The following RUNX1 variants were observed in gnomAD, a reference collection of about 807,000 sequenced individuals.
RUNX1 encodes runt-related transcription factor 1.
RUNX1 carries 19 observed loss-of-function variants against 42.8 expected under a neutral mutation model. The observed-to-expected ratio is 0.44, with a 90% CI of 0.31 to 0.65. The LOEUF is 0.65. Among genes scored for constraint, RUNX1 ranks in the 30% least tolerant of loss-of-function variants. RUNX1 has a pLI of 0.07. For missense variants in RUNX1, 528 were observed against 672.0 expected (o/e 0.79, Z 2.37); for synonymous variants, 271 against 289.4 (o/e 0.94, Z 0.64).
At chr21:34,873,914 G>A (rs749855617) in intron 5 of RUNX1, among the ~76,000 whole-genome samples, 47 of 152,310 alleles carry the variant, frequency 3.1e-4, no homozygotes, top group African/African-American at 8.9e-4. Flanking sequence ...GAAGTGCTGC[G>A]ATCTGTCCCC....
At chr21:34,908,771 C>T (rs1390075885) in intron 2 of RUNX1, among the ~76,000 whole-genome samples, 1 of 152,200 alleles carries the variant, frequency 6.6e-6, no homozygotes, top group Admixed American at 6.5e-5. Flanking sequence ...ATTTTATCAT[C>T]CTTCTCCAAA....
At chr21:34,940,234 T>C (rs1488270467) in intron 2 of RUNX1, among the ~76,000 whole-genome samples, 1 of 152,154 alleles carries the variant, frequency 6.6e-6, no homozygotes, top group African/African-American at 2.4e-5. Context: ...ATTAATGCTT[T>C]ATGAGGAAAA....
chr21:34,978,937 T>TACACACACACAGATAC (rs1555911647), intron 2 of RUNX1, among the ~76,000 whole-genome samples: 3 of 134,054 alleles, frequency 2.2e-5, no homozygotes, highest in Non-Finnish European at 4.7e-5. Context: ...CACACACAGA[T>TACACACACACAGATAC]ACACACACAC....
At chr21:34,979,871 A>G (rs1455855346) in intron 2 of RUNX1, among the ~76,000 whole-genome samples, 3 of 152,170 alleles carry the variant, frequency 2.0e-5, no homozygotes, top group South Asian at 2.1e-4. Flanking sequence ...GGGTAGGACC[A>G]AGAGTGAGGA....
At chr21:34,928,490 T>C (rs1175120135) in intron 2 of RUNX1, among the ~76,000 whole-genome samples, 2 of 151,912 alleles carry the variant, frequency 1.3e-5, no homozygotes, top group African/African-American at 4.8e-5. Context: ...AGTCAGGAGA[T>C]CGAGACCAGC....
intron 2 of RUNX1, among the ~76,000 whole-genome samples, chr21:34,933,910 A>G (rs1232819388): frequency 1.3e-5 from 2 of 152,206 alleles, no homozygotes; most frequent in African/African-American, 4.8e-5. Flanking sequence ...AGCTGTACCT[A>G]TGTGCTACTT....
At chr21:34,877,430 G>T (rs1337704046) in intron 5 of RUNX1, among the ~76,000 whole-genome samples, 1 of 152,038 alleles carries the variant, frequency 6.6e-6, no homozygotes, top group Non-Finnish European at 1.5e-5. Flanking sequence ...AGTTCAGCCC[G>T]GTCCCCAGAG....
intron 6 of RUNX1, among the ~76,000 whole-genome samples, chr21:34,854,127 C>T (rs2057464121): frequency 6.6e-6 from 1 of 152,140 alleles, no homozygotes; most frequent in African/African-American, 2.4e-5. Context: ...AGGTACTTTT[C>T]ATGCATTTCT....
intron 4 of RUNX1, among the ~76,000 whole-genome samples, chr21:34,886,112 G>A (rs1207065290): frequency 6.6e-6 from 1 of 152,198 alleles, no homozygotes; most frequent in African/African-American, 2.4e-5. Context: ...GGGCCGCTGG[G>A]ACCCCTGGCT....
intron 2 of RUNX1, among the ~76,000 whole-genome samples, chr21:34,966,834 A>G (rs929582179): frequency 5.3e-5 from 8 of 152,080 alleles, no homozygotes; most frequent in African/African-American, 1.9e-4. Flanking sequence ...TTCACTTTTT[A>G]TGGTGATGGA....
intron 6 of RUNX1, among the ~76,000 whole-genome samples, chr21:34,835,170 A>G (rs899586775): frequency 6.6e-5 from 10 of 152,108 alleles, no homozygotes; most frequent in Non-Finnish European, 1.2e-4. Flanking sequence ...AGGTACACGC[A>G]GGGCATCCTC....
At chr21:34,987,673 A>AG (rs965917318) in intron 2 of RUNX1, among the ~76,000 whole-genome samples, 3 of 152,128 alleles carry the variant, frequency 2.0e-5, no homozygotes, top group African/African-American at 7.2e-5. Context: ...AAAACCAAAG[A>AG]GGGGGAAAAA....
rs553754118 is a variant in RUNX1, at chr21:35,040,784, A to C, written c.58+8058T>G. 8.0e-3 allele frequency among the ~76,000 whole-genome samples: 1,201 copies of C among 150,874 alleles called. 18 individuals are homozygous for C. The highest frequency in any genetic ancestry group is 0.032 in the South Asian group (151 of 4,770). ...GTAGACTCCATCCAAAAAAAAAAAA[A>C]AAAAAAAAAACCAACAACAAAAACT... On this transcript the variant is annotated intron_variant, in intron 2 of 8. Coordinates refer to ENST00000675419, the MANE Select transcript of RUNX1 (RefSeq NM_001754.5).
intron 2 of RUNX1, among the ~76,000 whole-genome samples, chr21:34,987,761 G>A (rs761535637): frequency 2.7e-4 from 41 of 152,200 alleles, no homozygotes; most frequent in Non-Finnish European, 5.0e-4. Context: ...GCAGAAACAG[G>A]AATTCGGCAG....
intron 2 of RUNX1, among the ~76,000 whole-genome samples, chr21:34,980,137 T>C (rs1305878116): frequency 6.6e-6 from 1 of 152,266 alleles, no homozygotes; most frequent in Non-Finnish European, 1.5e-5. Flanking sequence ...ATTACTTTGG[T>C]CTTGGCTTTG....
chr21:34,788,389 A>G lies in RUNX1; in HGVS notation c.*3746T>C, dbSNP rs2056394825. On this transcript the variant is annotated 3_prime_UTR_variant, in exon 9 of 9. Coordinates refer to ENST00000675419, the MANE Select transcript of RUNX1 (RefSeq NM_001754.5). ...TTTTTGCACATTCATTTCCCCTAGAACAAAAAAAGTGAACTTAAAAAAAAT... is the reference window on the plus strand; with the variant it reads ...TTTTTGCACATTCATTTCCCCTAGAGCAAAAAAAGTGAACTTAAAAAAAAT... 1 of 233,258 alleles carries G rather than the reference A, an allele frequency of 4.3e-6. No individual in the cohort carries two copies. The highest frequency in any genetic ancestry group is 1.8e-4 in the South Asian group (1 of 5,524). 14.4% of individuals were successfully genotyped at this position (233,258 alleles called of 1,614,324 possible).
In RUNX1 at chr21:34,889,604, C is replaced by T. The variant is rs973143117; in HGVS notation, c.98-2508G>A. The T allele has an allele frequency of 5.9e-5, 59 of 1,005,954 alleles. No individual in the cohort carries two copies. In the African/African-American group the frequency reaches 1.0e-3, roughly 17 times the overall value. The allele number at this position is 1,005,954 out of a possible 1,614,324, so 62.3% of individuals were successfully genotyped here. A position where few individuals can be genotyped will look rare whatever the true frequency, so the allele number is the denominator to read the frequency against. ...CTGCCCGGGCCCCGCGTCTCCCCTCCGGCTCCCCGGAAGCGGCCCCCGCTC... is the reference window on the plus strand; with the variant it reads ...CTGCCCGGGCCCCGCGTCTCCCCTCTGGCTCCCCGGAAGCGGCCCCCGCTC... On this transcript the variant is annotated intron_variant, in intron 3 of 8. Coordinates refer to ENST00000675419, the MANE Select transcript of RUNX1 (RefSeq NM_001754.5).
At chr21:34,957,185 G>A (rs1332092714) in intron 2 of RUNX1, among the ~76,000 whole-genome samples, 1 of 152,194 alleles carries the variant, frequency 6.6e-6, no homozygotes, top group Non-Finnish European at 1.5e-5. Context: ...GGCCGACATC[G>A]TGGGTGTGTT....
chr21:34,799,199 T>C (rs2145906197), intron 8 of RUNX1, 102 bp downstream of exon 8: 1 of 1,277,808 alleles, frequency 7.8e-7, no homozygotes, highest in Non-Finnish European at 1.1e-6. Context: ...CTTTAAACCA[T>C]GTTTTACTCA....
Sources: gnomAD v4.1 joint callset for allele counts (sites outside exome capture counted in the v4.1 genomes callset) on GRCh38, gnomAD v4.1.1 for gene constraint, MANE v1.5 for transcripts, NCBI Gene and HGNC (gene_info 2026-07-23, HGNC 2026-07-21) for gene names.